Variants in HIP1R observed in about 807,000 individuals in gnomAD.
HIP1R encodes the protein huntingtin-interacting protein 1-related protein.
HIP1R carries 135 observed loss-of-function variants against 144.2 expected under a neutral mutation model. That is an observed-to-expected ratio of 0.94 (90% CI 0.81 to 1.08). The LOEUF is 1.08. Ranked by LOEUF, HIP1R falls within the 50% of genes least tolerant of loss-of-function variation. HIP1R has a pLI of 0.00. For missense variants in HIP1R, 1,462 were observed against 1,432.8 expected, an observed-to-expected ratio of 1.02 and a Z score of -0.33; for synonymous variants, 698 against 612.8, an observed-to-expected ratio of 1.14 and a Z score of -2.05.
chr12:122,862,002 G>A lies in HIP1R; in HGVS notation c.*249G>A. 2.0e-6 allele frequency: 1 copy of A among 504,102 alleles called. No homozygotes were observed. Among genetic ancestry groups the A allele is most frequent in the South Asian group, 3.4e-5 (1 of 29,772 alleles). The allele number at this position is 504,102 out of a possible 1,614,324, so 31.2% of individuals were successfully genotyped here. On this transcript the variant is annotated 3_prime_UTR_variant, in exon 32 of 32. Transcript: ENST00000253083. ...TTGGGGTGCAGCCAGGACCCGGTAG[G>A]CCTGAGCCTCAACTCTTCAGAAAAT... is the stretch of plus-strand genomic sequence containing the variant.
chr12:122,860,404 G>A lies in HIP1R; in HGVS notation c.2560-19G>A, dbSNP rs368127096. 6.8e-6 allele frequency: 11 copies of A among 1,612,504 alleles called. No individual in the cohort carries two copies. The African/African-American group carries it at 9.3e-5, about 14-fold the overall frequency. On this transcript the variant is annotated intron_variant, in intron 26 of 31. Coordinates refer to ENST00000253083, the MANE Select transcript of HIP1R (RefSeq NM_003959.3). ...GTCCTTGACTGGCATGTCCTGCCCT[G>A]TTCTCCCGTCGCCACTAGGGGGCAG...
rs934497920 is a variant in HIP1R, at chr12:122,855,322, G to A, written c.910G>A (p.Val304Met). Reference sequence around the variant, plus strand: ...GGCTGAGCACATCAAGCCGGTGGTGGTGATCCCCGAGGAGGCCCCGGAAGA... The same window carrying A: ...GGCTGAGCACATCAAGCCGGTGGTGATGATCCCCGAGGAGGCCCCGGAAGA... ...ALAEHIKPVV[V>M]IPEEAPEDEE... is the part of the protein sequence containing the mutation. The change falls in exon 11 of 32, where the codon GTG (valine) becomes ATG (methionine). Residue 304 changes from valine to methionine, a missense_variant. Coordinates refer to ENST00000253083, the MANE Select transcript of HIP1R (RefSeq NM_003959.3). 1 of 1,612,370 alleles carries A rather than the reference G, an allele frequency of 6.2e-7. No individual in the cohort carries two copies. The highest frequency in any genetic ancestry group is 1.7e-5 in the Admixed American group (1 of 59,944).
Position 122,848,807 on chromosome 12 carries a change from C to T in HIP1R, c.312C>T (p.Asp104=). The T allele has an allele frequency of 6.2e-7, 1 of 1,613,280 alleles. No individual in the cohort carries two copies. The highest frequency in any genetic ancestry group is 8.5e-7 in the Non-Finnish European group (1 of 1,180,008). Residue 104 remains aspartate (D), a synonymous_variant, in exon 4 of 32, where the codon GAC becomes GAT. Transcript: ENST00000253083. ...LRDGHPNVLH[D]CQRYRSNIRE... is the part of the protein sequence containing the mutation. Reference sequence around the variant, plus strand: ...TCCCTGCGCTGCAGGTGCTGCATGACTGCCAGCGGTACCGCAGCAACATCC... The same window carrying T: ...TCCCTGCGCTGCAGGTGCTGCATGATTGCCAGCGGTACCGCAGCAACATCC...
chr12:122,835,406 TG>T, upstream of HIP1R: 2 of 701,118 alleles, frequency 2.9e-6, no homozygotes, highest in Non-Finnish European at 3.3e-6. Flanking sequence ...GCCCTGGAGT[TG>T]GGGGCGGGGC....
At position 122,861,324 on chromosome 12, in the gene HIP1R, T is replaced by C. The variant is rs371527759; in HGVS notation, c.2969T>C (p.Leu990Pro). Residue 990 changes from leucine (L) to proline (P), a missense_variant, in exon 31 of 32, where the codon CTG becomes CCG. Leu to Pro is a moderately conservative substitution (Grantham distance 98). Transcript: ENST00000253083. ...EMETQVRVLELEKTLEAERMR... is the reference protein window; with the variant it reads ...EMETQVRVLEPEKTLEAERMR... ...TGGCTACAGGTGCGTGTCCTGGAGC[T>C]GGAGAAGACGCTGGAGGCTGAACGC... 17 of 1,613,662 alleles carry C rather than the reference T, an allele frequency of 1.1e-5. No homozygotes were observed. The highest frequency in any genetic ancestry group is 1.4e-5 in the Non-Finnish European group (17 of 1,179,968).
At chr12:122,842,403 G>T (rs2033081843) in intron 1 of HIP1R, among the ~76,000 whole-genome samples, 3 of 152,244 alleles carry the variant, frequency 2.0e-5, no homozygotes, top group African/African-American at 7.2e-5. Context: ...GAGAGACTCA[G>T]TGCCCTGAAG....
At chr12:122,853,936 C>T (rs2033475829) in intron 7 of HIP1R, 107 bp from the exon 8 acceptor site, 10 of 1,329,380 alleles carry the variant, frequency 7.5e-6, no homozygotes, top group Non-Finnish European at 8.2e-6. Context: ...AGGGGGCACA[C>T]TGGTGTGTGG....
intron 24 of HIP1R, 50 bp from the exon 25 acceptor site, chr12:122,859,997 T>C (rs781170843): frequency 4.6e-6 from 7 of 1,527,860 alleles, no homozygotes; most frequent in Non-Finnish European, 6.2e-6. Flanking sequence ...CATGGCGTCG[T>C]GTGGGCTGCT....
intron 1 of HIP1R, among the ~76,000 whole-genome samples, chr12:122,841,804 G>A (rs1000855602): frequency 6.6e-6 from 1 of 152,162 alleles, no homozygotes; most frequent in African/African-American, 2.4e-5. Flanking sequence ...CTACTACTGG[G>A]TGTCACCCAC....
Position 122,855,907 on chromosome 12 carries a change from C to T in HIP1R, c.1128+4C>T, listed in dbSNP as rs759204250. 2 of 1,061,690 alleles carry T rather than the reference C, an allele frequency of 1.9e-6. No homozygotes were observed. The highest frequency in any genetic ancestry group is 1.4e-5 in the South Asian group (1 of 72,144). The allele number at this position is 1,061,690 out of a possible 1,614,324, so 65.8% of individuals were successfully genotyped here. A position where few individuals can be genotyped will look rare whatever the true frequency, so the allele number is the denominator to read the frequency against. ...ACTGGAGAAGATCAAGCTGGAGGTG[C>T]GGGGTGGGGATGGGTGGGGGCCAGG... On this transcript the variant is annotated splice_donor_region_variant and intron_variant, in intron 13 of 31. Transcript: ENST00000253083.
rs1240092898 is a variant in HIP1R at position 122,862,788 on chromosome 12, C to A, written c.*1035C>A. On this transcript the variant is annotated 3_prime_UTR_variant, in exon 32 of 32. Transcript: ENST00000253083. ...CAGCTGCCATGCCCTCCTGCTCCCC[C>A]CACCCCAGCCCTAGCCCTTTAGCCT... The A allele has an allele frequency of 6.6e-6, 1 of 152,128 alleles. No individual in the cohort carries two copies. Among genetic ancestry groups the A allele is most frequent in the Non-Finnish European group, 1.5e-5 (1 of 68,008 alleles). 9.4% of individuals were successfully genotyped at this position (152,128 alleles called of 1,614,324 possible).
Position 122,861,806 on chromosome 12 carries a change from T to C in HIP1R, c.*53T>C. The C allele has an allele frequency of 4.5e-6, 7 of 1,561,678 alleles. No homozygotes were observed. The highest frequency in any genetic ancestry group is 6.2e-6 in the Non-Finnish European group (7 of 1,134,914). On this transcript the variant is annotated 3_prime_UTR_variant, in exon 32 of 32. Transcript: ENST00000253083. ...GGTGACAGGCCTGGGCCTCTGCAAC[T>C]GCCCTGACAGGACCGAGAGGCCTTG...
rs1471221242 is a variant in HIP1R, at chr12:122,850,722, TG to T, written c.439-112del. 3 of 302,680 alleles carry T rather than the reference TG, an allele frequency of 9.9e-6. No homozygotes were observed. In the East Asian group the frequency reaches 2.7e-4, roughly 27 times the overall value. 18.7% of individuals were successfully genotyped at this position (302,680 alleles called of 1,614,324 possible). A position where few individuals can be genotyped will look rare whatever the true frequency, so the allele number is the denominator to read the frequency against. ...GGGCCCTGGTTCGGTGGCCGCTGGG[TG>T]TGGGGGGCCCTGGTTCAGTGGCCGC... is the stretch of plus-strand genomic sequence containing the variant. On this transcript the variant is annotated intron_variant, in intron 5 of 31. Transcript: ENST00000253083.
Position 122,861,395 on chromosome 12 carries a change from G to GCAT in HIP1R, c.3043_3045dup (p.Ser1015dup). On this transcript the variant is annotated inframe_insertion, in exon 31 of 32. Coordinates refer to ENST00000253083, the MANE Select transcript of HIP1R (RefSeq NM_003959.3). ...GAAGCAACACTACGTGCTGGCTGGG[G>GCAT]CATCAGGCAGCCCTGGAGAGGAGGT... The GCAT allele has an allele frequency of 6.2e-7, 1 of 1,613,490 alleles. No individual in the cohort carries two copies. The highest frequency in any genetic ancestry group is 8.5e-7 in the Non-Finnish European group (1 of 1,179,904).
In HIP1R at chr12:122,860,032, C is replaced by T. The variant is rs1227838491; in HGVS notation, c.2466-15C>T. 1.3e-6 allele frequency: 2 copies of T among 1,550,698 alleles called. No individual in the cohort carries two copies. Among genetic ancestry groups the T allele is most frequent in the Admixed American group, 1.9e-5 (1 of 52,074 alleles). ...TCTGCAGAGCGGCAGCTAAGTCTCT[C>T]CTTCTCTCCCCCAGGATCCTCAACT... On this transcript the variant is annotated splice_polypyrimidine_tract_variant and intron_variant, in intron 24 of 31. Coordinates refer to ENST00000253083, the MANE Select transcript of HIP1R (RefSeq NM_003959.3).
intron 1 of HIP1R, among the ~76,000 whole-genome samples, chr12:122,838,279 C>A (rs1177503401): frequency 3.3e-5 from 5 of 151,404 alleles, no homozygotes; most frequent in African/African-American, 1.2e-4. Context: ...GTCCAGAAAA[C>A]CAGTGTATGC....
intron 2 of HIP1R, 92 bp downstream of exon 2, chr12:122,848,186 T>C (rs1007173100): frequency 7.3e-7 from 1 of 1,375,356 alleles, no homozygotes; most frequent in Non-Finnish European, 1.0e-6. Context: ...TGTGCCGGGG[T>C]CACAAGTTCC....
chr12:122,858,528 CAGGGACCTCTCTGGGA>C, intron 20 of HIP1R, 93 bp downstream of exon 20: 1 of 1,049,852 alleles, frequency 9.5e-7, no homozygotes, highest in Non-Finnish European at 1.4e-6. Flanking sequence ...TTACAGACAG[CAGGGACCTCTCTGGGA>C]AGCCAAGCAG....
chr12:122,856,513 C>A lies in HIP1R; in HGVS notation c.1483C>A (p.Gln495Lys). 6.3e-7 allele frequency: 1 copy of A among 1,597,034 alleles called. No homozygotes were observed. Residue 495 changes from glutamine to lysine, a missense_variant, in exon 16 of 32, where the codon CAG (glutamine) becomes AAG (lysine). Gln to Lys is a moderately conservative substitution (Grantham distance 53, BLOSUM62 1). Coordinates refer to ENST00000253083, the MANE Select transcript of HIP1R (RefSeq NM_003959.3). ...GCGGGTGAAGGAGCAGCTGGCCTTCCAGGTGGAGCAGGTGAAGCGGGAGTC... is the reference window on the plus strand; with the variant it reads ...GCGGGTGAAGGAGCAGCTGGCCTTCAAGGTGGAGCAGGTGAAGCGGGAGTC... ...VARVKEQLAF[Q>K]VEQVKRESEL...
Sources: allele counts gnomAD v4.1 joint callset (sites outside exome capture counted in the v4.1 genomes callset), GRCh38; gene constraint gnomAD v4.1.1; transcripts MANE v1.5; gene names NCBI Gene and HGNC (gene_info 2026-07-23, HGNC 2026-07-21).